The following MAPK10 variants were observed in gnomAD, a reference collection of about 807,000 sequenced individuals.
The protein encoded by MAPK10 is mitogen-activated protein kinase 10, also known as JNK3 alpha protein kinase.
A neutral mutation model predicts 59.3 loss-of-function variants in MAPK10; 25 were observed. That is an observed-to-expected ratio of 0.42 (90% CI 0.31 to 0.59). MAPK10 has a LOEUF of 0.59. MAPK10 is among the 20% of genes least tolerant of loss of function. The probability of loss-of-function intolerance (pLI) is 0.15; values close to 1 mark genes in which losing one functional copy is unlikely to be tolerated. For synonymous variants in MAPK10, 190 were observed against 200.5 expected, an observed-to-expected ratio of 0.95 and a Z score of 0.44; for missense variants, 351 against 568.9, an observed-to-expected ratio of 0.62 and a Z score of 3.90.
intron 2 of MAPK10, among the ~76,000 whole-genome samples, chr4:86,235,117 A>G (rs1383454964): frequency 2.6e-5 from 4 of 152,192 alleles, no homozygotes; most frequent in Non-Finnish European, 5.9e-5. Context: ...ATTAACTCAT[A>G]TATCACAGAA....
chr4:86,283,625 ACACTTTCAGT>A (rs1243240886), intron 2 of MAPK10, among the ~76,000 whole-genome samples: 1 of 152,184 alleles, frequency 6.6e-6, no homozygotes, highest in African/African-American at 2.4e-5. Flanking sequence ...AGTGCTGAGA[ACACTTTCAGT>A]GTTCCAGGTG....
At chr4:86,452,554 CTTCT>C (rs1281157183) in intron 1 of MAPK10, among the ~76,000 whole-genome samples, 1 of 152,014 alleles carries the variant, frequency 6.6e-6, no homozygotes, top group Non-Finnish European at 1.5e-5. Flanking sequence ...AGTCTGAAAG[CTTCT>C]TTCAGTTTGT....
chr4:86,443,846 T>A (rs1053771405), intron 1 of MAPK10, among the ~76,000 whole-genome samples: 4 of 152,088 alleles, frequency 2.6e-5, no homozygotes, highest in African/African-American at 9.7e-5. Context: ...ACTAACTTGC[T>A]AAGGGCACAA....
intron 1 of MAPK10, among the ~76,000 whole-genome samples, chr4:86,494,099 T>C (rs1389001628): frequency 6.6e-6 from 1 of 152,206 alleles, no homozygotes; most frequent in African/African-American, 2.4e-5. Flanking sequence ...AACTTCTCTT[T>C]CCAAGTTCTC....
In MAPK10 at chr4:86,101,800, T is replaced by C; in HGVS notation, c.564+94A>G. The stretch of plus-strand genomic sequence containing the variant: ...ATCAAAGAAATGAGGAAGTATATTA[T>C]ATTTGACCAATGCCCCCCGTATAAA... On this transcript the variant is annotated intron_variant, in intron 7 of 13. Transcript: ENST00000641462. 4 of 1,268,902 alleles carry C rather than the reference T, an allele frequency of 3.2e-6. No homozygotes were observed. The highest frequency in any genetic ancestry group is 2.3e-5 in the East Asian group (1 of 42,788). 78.6% of individuals were successfully genotyped at this position (1,268,902 alleles called of 1,614,324 possible). A position where few individuals can be genotyped will look rare whatever the true frequency, so the allele number is the denominator to read the frequency against.
chr4:86,149,327 C>T (rs1005768444), intron 4 of MAPK10, among the ~76,000 whole-genome samples: 6 of 152,046 alleles, frequency 3.9e-5, no homozygotes, highest in Admixed American at 1.3e-4. Context: ...AGTGAAGTGC[C>T]GCAATCTCGG....
chr4:86,360,455 A>G (rs1736715539), upstream of MAPK10, among the ~76,000 whole-genome samples: 1 of 152,206 alleles, frequency 6.6e-6, no homozygotes, highest in African/African-American at 2.4e-5. Flanking sequence ...AACAAGTAAG[A>G]GATGGTAATA....
At chr4:86,102,403 G>A (rs969363162) in intron 6 of MAPK10, 9 of 173,814 alleles carry the variant, frequency 5.2e-5, no homozygotes, top group African/African-American at 7.1e-5. Flanking sequence ...AAGGTGCTAG[G>A]GAATCACTTC....
rs188417368 is a variant in MAPK10 at position 86,199,661 on chromosome 4, T to C, written c.-6-5254A>G. 2.0e-3 allele frequency among the ~76,000 whole-genome samples: 308 copies of C among 152,176 alleles called. 1 individual carries two copies. Among genetic ancestry groups the C allele is most frequent in the Non-Finnish European group, 3.5e-3 (239 of 67,974 alleles). ...GAAGCTGGGCAGTGGGGTTCACACA[T>C]GTTTGTTACATTATTTAAACCCTAT... On this transcript the variant is annotated intron_variant, in intron 2 of 13. Transcript: ENST00000641462.
intron 11 of MAPK10, among the ~76,000 whole-genome samples, chr4:86,033,768 T>C (rs73833995): frequency 0.029 from 4,356 of 152,284 alleles, 160 homozygotes; most frequent in African/African-American, 0.081. Flanking sequence ...TTTTTGATTG[T>C]TTGTTTTTTG....
chr4:86,043,731 T>A (rs925011840), intron 11 of MAPK10, among the ~76,000 whole-genome samples: 1 of 152,108 alleles, frequency 6.6e-6, no homozygotes, highest in Non-Finnish European at 1.5e-5. Flanking sequence ...GTGTCCTGGG[T>A]TTTCCTGGAT....
At chr4:86,151,243 C>G (rs1173322665) in intron 4 of MAPK10, among the ~76,000 whole-genome samples, 1 of 152,142 alleles carries the variant, frequency 6.6e-6, no homozygotes, top group Admixed American at 6.5e-5. Context: ...CTGAGTCCAT[C>G]TGTTTTCTCA....
At chr4:86,542,595 C>T (rs1291041016) in intron 1 of MAPK10, 2 of 154,260 alleles carry the variant, frequency 1.3e-5, no homozygotes, top group African/African-American at 4.8e-5. Flanking sequence ...GCCTGGGCAA[C>T]GTGAGACTCT....
intron 2 of MAPK10, among the ~76,000 whole-genome samples, chr4:86,342,429 C>G (rs763703478): frequency 3.3e-5 from 5 of 152,096 alleles, no homozygotes; most frequent in Non-Finnish European, 7.4e-5. Context: ...GACAATAGTT[C>G]CAGGCAGTAT....
At chr4:86,503,498 C>A (rs933572350) in intron 1 of MAPK10, among the ~76,000 whole-genome samples, 5 of 152,198 alleles carry the variant, frequency 3.3e-5, no homozygotes, top group South Asian at 2.1e-4. Flanking sequence ...TTCAAAGGCT[C>A]ATTATTACCT....
At chr4:86,364,756 G>A (rs549272161), upstream of MAPK10, among the ~76,000 whole-genome samples, 128 of 152,220 alleles carry the variant, frequency 8.4e-4, no homozygotes, top group African/African-American at 3.0e-3. Flanking sequence ...TGAGGCGGGT[G>A]GATCACTCGA....
At chr4:86,321,146 A>T (rs1344387683) in intron 2 of MAPK10, among the ~76,000 whole-genome samples, 15 of 152,138 alleles carry the variant, frequency 9.9e-5, no homozygotes, top group Middle Eastern at 3.4e-3. Context: ...GGGACTGTAA[A>T]CTAGTTCAAC....
chr4:86,109,312 T>C (rs1449936463), intron 4 of MAPK10, among the ~76,000 whole-genome samples: 1 of 152,206 alleles, frequency 6.6e-6, no homozygotes, highest in Non-Finnish European at 1.5e-5. Context: ...GGTGGTTTGC[T>C]GCATCTATCA....
intron 2 of MAPK10, among the ~76,000 whole-genome samples, chr4:86,238,630 T>C (rs144352451): frequency 0.016 from 2,445 of 152,348 alleles, 29 homozygotes; most frequent in Non-Finnish European, 0.025. Context: ...AGTTCATTCA[T>C]GATTTGGCTC....
Sources: allele counts gnomAD v4.1 joint callset (sites outside exome capture counted in the v4.1 genomes callset), GRCh38; gene constraint gnomAD v4.1.1; transcripts MANE v1.5; gene names NCBI Gene and HGNC (gene_info 2026-07-23, HGNC 2026-07-21).